Variants in ZNF519 observed in about 807,000 individuals in gnomAD.
The protein encoded by ZNF519 is zinc finger protein 519.
Under a neutral mutation model 7.4 loss-of-function variants are expected in ZNF519, and 7 were observed. The ratio of observed to expected loss-of-function variants is 0.94; its 90% confidence interval spans 0.54 to 1.77. ZNF519 has a LOEUF of 1.77. Among genes scored for constraint, ZNF519 ranks in the 40% most tolerant of loss-of-function variants. ZNF519 has a pLI of 0.00. For missense variants in ZNF519, 586 were observed against 623.1 expected, an observed-to-expected ratio of 0.94 and a Z score of 0.63; for synonymous variants, 179 against 203.3, an observed-to-expected ratio of 0.88 and a Z score of 1.02.
In ZNF519 at chr18:14,105,347, T is replaced by C. The variant is rs770128009; in HGVS notation, c.1193A>G (p.His398Arg). The C allele has an allele frequency of 4.3e-6, 7 of 1,614,036 alleles. No individual in the cohort carries two copies. The change falls in exon 3 of 3, where the codon CAT becomes CGT. Residue 398 changes from histidine (H) to arginine (R), a missense_variant. Physicochemically the swap from His to Arg is conservative, Grantham distance 29. Transcript: ENST00000590202. Reference protein sequence around the residue: ...SSYVTQHQRMHTGEKPFKCKE... With the variant: ...SSYVTQHQRMRTGEKPFKCKE... ...ACACTTGAAAGGTTTCTCTCCAGTA[T>C]GCATTCTCTGATGCTGAGTAACGTA...
chr18:14,097,898 CTCACAAGTAGAA>C (rs2046143551), downstream of ZNF519, among the ~76,000 whole-genome samples: 1 of 152,104 alleles, frequency 6.6e-6, no homozygotes, highest in Non-Finnish European at 1.5e-5. Flanking sequence ...AACACAGTAA[CTCACAAGTAGAA>C]AGTGCGAGGT....
At chr18:14,098,857 T>C (rs1335598883), downstream of ZNF519, among the ~76,000 whole-genome samples, 2 of 152,168 alleles carry the variant, frequency 1.3e-5, no homozygotes, top group Non-Finnish European at 2.9e-5. Context: ...AGTATGTGCA[T>C]CTGAAATCTT....
At chr18:14,081,511 G>T (rs2046070580) in intron 3 of ZNF519, among the ~76,000 whole-genome samples, 1 of 152,188 alleles carries the variant, frequency 6.6e-6, no homozygotes, top group Non-Finnish European at 1.5e-5. Flanking sequence ...AGATGTCCTT[G>T]CAGAAATATT....
rs2046166998 is a variant in ZNF519, at chr18:14,102,466, C to T, written c.*2451G>A. The T allele has an allele frequency of 2.0e-5, 3 of 152,116 alleles. No individual in the cohort carries two copies. Among genetic ancestry groups the T allele is most frequent in the South Asian group, 4.1e-4 (2 of 4,822 alleles). The allele number at this position is 152,116 out of a possible 1,614,324, so 9.4% of individuals were successfully genotyped here. On this transcript the variant is annotated 3_prime_UTR_variant, in exon 3 of 3. Transcript: ENST00000590202. The stretch of plus-strand genomic sequence containing the variant: ...TTACAGGCATTAGCCACTACGCCTG[C>T]CCCTGTCTTTCACTTTAAAGAGGCA...
At chr18:14,086,683 T>C (rs16941574) in intron 2 of ZNF519, among the ~76,000 whole-genome samples, 1,772 of 152,194 alleles carry the variant, frequency 0.012, 15 homozygotes, top group Middle Eastern at 0.034. Context: ...GCAAACCCAG[T>C]GGGATGAAAT....
downstream of ZNF519, chr18:14,072,583 C>A (rs2046032157): frequency 6.8e-6 from 1 of 146,284 alleles, no homozygotes. Flanking sequence ...AGATGGTCAA[C>A]AGTGTGAGCC....
chr18:14,087,361 T>TA (rs1260242518), intron 2 of ZNF519, among the ~76,000 whole-genome samples: 3 of 152,174 alleles, frequency 2.0e-5, no homozygotes, highest in Non-Finnish European at 4.4e-5. Flanking sequence ...GAAAAAGAAA[T>TA]AAAAGGCACA....
exon 5 of ZNF519, chr18:14,077,063 A>G (rs2046050501): frequency 6.6e-6 from 1 of 152,218 alleles, no homozygotes; most frequent in African/African-American, 2.4e-5. Flanking sequence ...TTCTAGAAAA[A>G]AAATAAAGCA....
downstream of ZNF519, among the ~76,000 whole-genome samples, chr18:14,097,059 T>A (rs2046139689): frequency 1.3e-5 from 2 of 152,150 alleles, no homozygotes; most frequent in South Asian, 4.1e-4. Context: ...AACCACCTTC[T>A]CCATCAAACC....
chr18:14,079,957 T>C (rs534133347), intron 3 of ZNF519, among the ~76,000 whole-genome samples: 3 of 151,128 alleles, frequency 2.0e-5, no homozygotes, highest in Non-Finnish European at 4.4e-5. Context: ...TATCAAGAAA[T>C]GGAAAAGAAA....
At position 14,105,578 on chromosome 18, in the gene ZNF519, T is replaced by C; in HGVS notation, c.962A>G (p.Lys321Arg). ...QRIHTGEKPF[K>R]CKECGKAFNR... ...AAAAGCTTTGCCACATTCCTTACAC[T>C]TGAAAGGCTTCTCTCCAGTATGGAT... Residue 321 changes from lysine (K) to arginine (R), a missense_variant, in exon 3 of 3, where the codon AAG becomes AGG. Coordinates refer to ENST00000590202, the MANE Select transcript of ZNF519 (RefSeq NM_145287.4). The C allele has an allele frequency of 3.1e-6, 5 of 1,614,110 alleles. No homozygotes were observed. Among genetic ancestry groups the C allele is most frequent in the South Asian group, 1.1e-5 (1 of 91,074 alleles).
intron 3 of ZNF519, chr18:14,084,264 A>C (rs1348152982): frequency 1.3e-5 from 2 of 152,066 alleles, no homozygotes; most frequent in Non-Finnish European, 2.9e-5. Context: ...CTTAGGTAAA[A>C]TCGGTCTGGA....
In ZNF519 at chr18:14,101,685, AG is replaced by A. The variant is rs2046162396; in HGVS notation, c.*3231del. The A allele has an allele frequency of 5.0e-6, 2 of 398,692 alleles. No homozygotes were observed. Among genetic ancestry groups the A allele is most frequent in the South Asian group, 2.5e-4 (2 of 7,858 alleles). The allele number at this position is 398,692 out of a possible 1,614,324, so 24.7% of individuals were successfully genotyped here. A position where few individuals can be genotyped will look rare whatever the true frequency, so the allele number is the denominator to read the frequency against. ...TCTACACCCACACCCCAATCGAGGC[AG>A]GAATGGCCATGACAGCATGGTACAC... On this transcript the variant is annotated 3_prime_UTR_variant, in exon 3 of 3. Coordinates refer to ENST00000590202, the MANE Select transcript of ZNF519 (RefSeq NM_145287.4).
At chr18:14,108,379 T>C (rs1192345263) in intron 2 of ZNF519, among the ~76,000 whole-genome samples, 1 of 151,874 alleles carries the variant, frequency 6.6e-6, no homozygotes, top group East Asian at 1.9e-4. Flanking sequence ...AATTGAATGG[T>C]GCCTTTTCCA....
chr18:14,109,539 T>C (rs1464178693), intron 2 of ZNF519, among the ~76,000 whole-genome samples: 5 of 152,068 alleles, frequency 3.3e-5, no homozygotes, highest in South Asian at 4.1e-4. Context: ...TGAAAAAACC[T>C]AGAAATTAAT....
chr18:14,087,228 C>T (rs1391662948), intron 2 of ZNF519, among the ~76,000 whole-genome samples: 2 of 152,022 alleles, frequency 1.3e-5, no homozygotes, highest in Non-Finnish European at 2.9e-5. Context: ...ATAACAGAAC[C>T]ATCATACTGA....
intron 2 of ZNF519, among the ~76,000 whole-genome samples, chr18:14,107,226 A>G (rs747851761): frequency 1.2e-4 from 18 of 152,146 alleles, no homozygotes; most frequent in Non-Finnish European, 2.4e-4. Context: ...AAAAGAGTAA[A>G]CAGGACTTTG....
chr18:14,106,812 G>A (rs1189653851), intron 2 of ZNF519, among the ~76,000 whole-genome samples: 2 of 151,944 alleles, frequency 1.3e-5, no homozygotes, highest in Non-Finnish European at 2.9e-5. Flanking sequence ...GAGAACACTG[G>A]GATTGTGAGC....
intron 2 of ZNF519, among the ~76,000 whole-genome samples, chr18:14,091,674 A>T (rs1243013015): frequency 6.6e-6 from 1 of 152,176 alleles, no homozygotes; most frequent in Non-Finnish European, 1.5e-5. Context: ...ATAAAGGCAT[A>T]AATGGACACA....
Sources: allele counts gnomAD v4.1 joint callset (sites outside exome capture counted in the v4.1 genomes callset), GRCh38; gene constraint gnomAD v4.1.1; transcripts MANE v1.5; gene names NCBI Gene and HGNC (gene_info 2026-07-23, HGNC 2026-07-21).